CSMD2: variants seen among roughly 807,000 people sequenced by gnomAD.
CSMD2 encodes CUB and sushi domain-containing protein 2.
A neutral mutation model predicts 398.5 loss-of-function variants in CSMD2; 130 were observed. That is an observed-to-expected ratio of 0.33 (90% CI 0.28 to 0.38). The LOEUF (loss-of-function observed/expected upper bound fraction) is 0.38, where lower values mean the gene tolerates loss of function less well. Among genes scored for constraint, CSMD2 ranks in the 10% least tolerant of loss-of-function variants. CSMD2 has a pLI of 1.00. For synonymous variants in CSMD2, 1,828 were observed against 1,908.5 expected, an observed-to-expected ratio of 0.96 and a Z score of 1.10; for missense variants, 3,829 against 4,764.9, an observed-to-expected ratio of 0.80 and a Z score of 5.78.
At chr1:33,548,812 T>C (rs967489227) in intron 56 of CSMD2, among the ~76,000 whole-genome samples, 1 of 144,966 alleles carries the variant, frequency 6.9e-6, no homozygotes, top group Non-Finnish European at 1.5e-5. Flanking sequence ...AGAGGCAATG[T>C]ACATGACCCT....
chr1:33,642,346 C>CAA (rs71029013), intron 29 of CSMD2, among the ~76,000 whole-genome samples: 13 of 83,730 alleles, frequency 1.6e-4, no homozygotes, highest in African/African-American at 5.3e-4. Flanking sequence ...CACTCTGTCT[C>CAA]AAAAAAAAAA....
At chr1:33,521,440 T>C in intron 68 of CSMD2, 23 bp downstream of exon 68, 1 of 1,388,624 alleles carries the variant, frequency 7.2e-7, no homozygotes, top group Non-Finnish European at 1.0e-6. Flanking sequence ...GGCCCACACT[T>C]CCGGGGGACA....
chr1:33,536,344 C>G (rs1655780897), intron 62 of CSMD2, among the ~76,000 whole-genome samples: 1 of 152,338 alleles, frequency 6.6e-6, no homozygotes, highest in Non-Finnish European at 1.5e-5. Context: ...CTGCCTCAGC[C>G]TCCCGAGTAG....
At chr1:33,858,422 C>T (rs1222996140) in intron 5 of CSMD2, among the ~76,000 whole-genome samples, 1 of 152,158 alleles carries the variant, frequency 6.6e-6, no homozygotes, top group African/African-American at 2.4e-5. Flanking sequence ...TCCTAGACTA[C>T]CAGTAGAGGC....
intron 9 of CSMD2, among the ~76,000 whole-genome samples, chr1:33,814,691 C>T (rs976204977): frequency 1.3e-5 from 2 of 152,198 alleles, no homozygotes; most frequent in African/African-American, 4.8e-5. Context: ...CTTCCTCCAA[C>T]TCATGATCAA....
intron 2 of CSMD2, among the ~76,000 whole-genome samples, chr1:34,037,207 C>T (rs1467450035): frequency 3.3e-5 from 5 of 152,196 alleles, no homozygotes; most frequent in African/African-American, 1.2e-4. Flanking sequence ...ATCAGACTTA[C>T]ACTCAGTCTC....
intron 5 of CSMD2, among the ~76,000 whole-genome samples, chr1:33,875,303 G>A (rs1640759921): frequency 6.6e-6 from 1 of 152,220 alleles, no homozygotes; most frequent in South Asian, 2.1e-4. Context: ...AAAGAAGGGG[G>A]CTGGTTAGTG....
chr1:33,744,842 A>C (rs1243198210), intron 13 of CSMD2, among the ~76,000 whole-genome samples: 1 of 152,216 alleles, frequency 6.6e-6, no homozygotes, highest in Non-Finnish European at 1.5e-5. Flanking sequence ...GCTTCATGGA[A>C]TCTCATACAT....
Position 33,882,719 on chromosome 1 carries a change from A to C in CSMD2, c.920+35375T>G, listed in dbSNP as rs549348824. 2.0e-5 allele frequency among the ~76,000 whole-genome samples: 3 copies of C among 152,314 alleles called. No individual in the cohort carries two copies. In the East Asian group the frequency reaches 5.8e-4, roughly 29 times the overall value. On this transcript the variant is annotated intron_variant, in intron 5 of 70. Transcript: ENST00000373381. ...ATGCTTTCTCAGTTGTTTCCTAGTT[A>C]AGAAATTACTCAATAAAGAATGGAA... is the stretch of plus-strand genomic sequence containing the variant.
At chr1:33,707,348 C>T (rs577079534) in intron 22 of CSMD2, among the ~76,000 whole-genome samples, 1 of 152,346 alleles carries the variant, frequency 6.6e-6, no homozygotes, top group South Asian at 2.1e-4. Flanking sequence ...TGCGTTACTC[C>T]ATCTGTACCT....
At chr1:34,027,291 ACAAT>A (rs1649771318) in intron 3 of CSMD2, among the ~76,000 whole-genome samples, 2 of 152,182 alleles carry the variant, frequency 1.3e-5, no homozygotes, top group Non-Finnish European at 2.9e-5. Flanking sequence ...CACCTTACCT[ACAAT>A]CAAAGAGATG....
chr1:33,918,370 T>C, intron 4 of CSMD2, 69 bp from the exon 5 acceptor site: 1 of 1,249,670 alleles, frequency 8.0e-7, no homozygotes, highest in South Asian at 1.3e-5. Context: ...CACCATGGGC[T>C]ATACCTGCAA....
chr1:34,105,435 T>A (rs1660437205), intron 1 of CSMD2, among the ~76,000 whole-genome samples: 1 of 152,206 alleles, frequency 6.6e-6, no homozygotes, highest in African/African-American at 2.4e-5. Flanking sequence ...GAGTTCCTAA[T>A]GAAAGTCAGA....
intron 59 of CSMD2, 73 bp from the exon 60 acceptor site, chr1:33,540,771 T>C: frequency 6.5e-7 from 1 of 1,549,084 alleles, no homozygotes; most frequent in Non-Finnish European, 8.8e-7. Context: ...ATCATTGATA[T>C]CACCGACTAC....
chr1:33,581,548 A>G (rs1318210203), intron 47 of CSMD2, among the ~76,000 whole-genome samples: 1 of 149,746 alleles, frequency 6.7e-6, no homozygotes, highest in African/African-American at 2.4e-5. Flanking sequence ...AAAAAAAAAA[A>G]AAAAAAGAAA....
At chr1:33,809,915 G>A (rs6698788) in intron 10 of CSMD2, among the ~76,000 whole-genome samples, 120,773 of 151,970 alleles carry the variant, frequency 0.79, 48,975 homozygotes, top group East Asian at 0.96. Context: ...TAATAGCAAC[G>A]ATAAATATAA....
intron 44 of CSMD2, among the ~76,000 whole-genome samples, chr1:33,593,511 G>A (rs1223909611): frequency 6.6e-6 from 1 of 152,176 alleles, no homozygotes; most frequent in Non-Finnish European, 1.5e-5. Context: ...GACAGAGCTT[G>A]TGCAGGGAAA....
At position 33,534,039 on chromosome 1, in the gene CSMD2, C is replaced by T. The variant is rs1655525995; in HGVS notation, c.9880-132G>A. The T allele has an allele frequency of 2.9e-5, 18 of 611,450 alleles. No individual in the cohort carries two copies. The South Asian group carries it at 3.2e-4, about 11-fold the overall frequency. The allele number at this position is 611,450 out of a possible 1,614,324, so 37.9% of individuals were successfully genotyped here. A position where few individuals can be genotyped will look rare whatever the true frequency, so the allele number is the denominator to read the frequency against. ...GCAAAACTCTTTTTCTGATTCTCCG[C>T]CTGGTTAAATTTTCTTCTTCCTTTG... is the stretch of plus-strand genomic sequence containing the variant. On this transcript the variant is annotated intron_variant, in intron 62 of 70. Transcript: ENST00000373381.
At chr1:33,536,951 G>T (rs1655853900) in intron 62 of CSMD2, 71 bp downstream of exon 62, 13 of 1,458,566 alleles carry the variant, frequency 8.9e-6, no homozygotes, top group Non-Finnish European at 1.3e-5. Context: ...AAGGTCTCTG[G>T]GTCCTCTTAT....
Sources: gnomAD v4.1 joint callset for allele counts (sites outside exome capture counted in the v4.1 genomes callset) on GRCh38, gnomAD v4.1.1 for gene constraint, MANE v1.5 for transcripts, NCBI Gene and HGNC (gene_info 2026-07-23, HGNC 2026-07-21) for gene names.